Variants in ESRRG observed in about 807,000 individuals in gnomAD.
ESRRG encodes estrogen related receptor gamma.
Under a neutral mutation model 44.0 loss-of-function variants are expected in ESRRG, and 13 were observed. That is an observed-to-expected ratio of 0.30 (90% CI 0.19 to 0.47). The LOEUF (loss-of-function observed/expected upper bound fraction) is 0.47. Among genes scored for constraint, ESRRG ranks in the 20% least tolerant of loss-of-function variants. The pLI is 1.00. For missense variants in ESRRG, 395 were observed against 580.6 expected, an observed-to-expected ratio of 0.68 and a Z score of 3.29; for synonymous variants, 215 against 214.6, an observed-to-expected ratio of 1.00 and a Z score of -0.02.
chr1:216,727,239 A>C (rs189586347), upstream of ESRRG, among the ~76,000 whole-genome samples: 1 of 152,206 alleles, frequency 6.6e-6, no homozygotes, highest in South Asian at 2.1e-4. Context: ...AGGATTATAA[A>C]ATCTTTGAAA....
At chr1:217,067,836 A>AT (rs1413762593) in intron 1 of ESRRG, among the ~76,000 whole-genome samples, 1 of 152,162 alleles carries the variant, frequency 6.6e-6, no homozygotes, top group African/African-American at 2.4e-5. Flanking sequence ...ATAAAGTCTC[A>AT]TTTCAAAGGG....
chr1:217,030,797 A>G (rs1289352159), intron 1 of ESRRG, among the ~76,000 whole-genome samples: 3 of 152,250 alleles, frequency 2.0e-5, no homozygotes, highest in Non-Finnish European at 4.4e-5. Context: ...GATTTCAGAG[A>G]GTACCTCCAA....
At chr1:217,121,427 T>C (rs1259592595) in intron 1 of ESRRG, among the ~76,000 whole-genome samples, 2 of 152,182 alleles carry the variant, frequency 1.3e-5, no homozygotes, top group African/African-American at 2.4e-5. Flanking sequence ...ATCACTCTCC[T>C]GGTAGTGTGA....
chr1:216,983,444 C>T (rs2074324290), intron 1 of ESRRG, among the ~76,000 whole-genome samples: 1 of 151,866 alleles, frequency 6.6e-6, no homozygotes, highest in African/African-American at 2.4e-5. Context: ...GTTGCCCAGA[C>T]TGGTCTCAAA....
chr1:216,620,412 C>A (rs1231833301), intron 3 of ESRRG, among the ~76,000 whole-genome samples: 2 of 152,132 alleles, frequency 1.3e-5, no homozygotes, highest in Non-Finnish European at 2.9e-5. Context: ...GTTACACTGC[C>A]CTCAGAGAAT....
intron 2 of ESRRG, among the ~76,000 whole-genome samples, chr1:216,675,652 G>T (rs1428447716): frequency 6.6e-6 from 1 of 152,176 alleles, no homozygotes; most frequent in East Asian, 1.9e-4. Flanking sequence ...GGATTACCCA[G>T]AGGGTTGGTA....
chr1:216,820,702 T>C (rs1334097793), intron 2 of ESRRG, among the ~76,000 whole-genome samples: 2 of 152,230 alleles, frequency 1.3e-5, no homozygotes, highest in African/African-American at 4.8e-5. Flanking sequence ...AACAATACAT[T>C]GCTTTGCAAT....
chr1:216,718,854 A>C (rs946321779), intron 1 of ESRRG, among the ~76,000 whole-genome samples: 3 of 152,020 alleles, frequency 2.0e-5, no homozygotes, highest in Non-Finnish European at 2.9e-5. Flanking sequence ...ATGACTCTAA[A>C]GTTCTACTGA....
chr1:217,100,098 T>C (rs2092487060), intron 1 of ESRRG, among the ~76,000 whole-genome samples: 1 of 152,188 alleles, frequency 6.6e-6, no homozygotes, highest in African/African-American at 2.4e-5. Context: ...AAATAGTCAC[T>C]TGGGGAAGCT....
At chr1:217,133,645 C>CTCTCTCTCTCTCTCTTTCTT (rs1266397788) in intron 1 of ESRRG, among the ~76,000 whole-genome samples, 32 of 91,806 alleles carry the variant, frequency 3.5e-4, no homozygotes, top group Non-Finnish European at 3.8e-4. Context: ...CTCTCTCTCT[C>CTCTCTCTCTCTCTCTTTCTT]TCTTTCTTTC....
chr1:217,039,270 C>G lies in ESRRG; in HGVS notation c.-106+50237G>C, dbSNP rs539632122. Among the ~76,000 whole-genome samples the G allele has an allele frequency of 2.6e-5, 4 of 152,322 alleles. No individual in the cohort carries two copies. The South Asian group carries it at 8.3e-4, about 32-fold the overall frequency. On this transcript the variant is annotated intron_variant, in intron 1 of 7. Coordinates refer to the ESRRG transcript ENST00000359162. ...TTACCCAGTTCCAAAGTCTCTTCCA[C>G]ATTTTCAGGTATATTTTCAGCAACA...
rs982485900 is a variant in ESRRG at position 216,766,446 on chromosome 1, C to A, written c.-13-88955G>T. On this transcript the variant is annotated intron_variant, in intron 2 of 7. Transcript: ENST00000359162. ...ACTCCTGCCATCTTTCCCTCTCATT[C>A]TCACAGCCCCAGTCCAAATTTGGGG... Among the ~76,000 whole-genome samples, 3 of 152,042 alleles carry A rather than the reference C, an allele frequency of 2.0e-5. No individual in the cohort carries two copies. The East Asian group carries it at 5.8e-4, about 29-fold the overall frequency.
chr1:216,597,319 G>A (rs2058580113), intron 3 of ESRRG, among the ~76,000 whole-genome samples: 2 of 152,190 alleles, frequency 1.3e-5, no homozygotes, highest in South Asian at 4.1e-4. Context: ...TAAAAGCATG[G>A]GCTAGACCCT....
At chr1:217,038,040 G>A (rs560116656) in intron 1 of ESRRG, among the ~76,000 whole-genome samples, 27 of 152,300 alleles carry the variant, frequency 1.8e-4, no homozygotes, top group Non-Finnish European at 2.9e-4. Context: ...CTCCCTCCAG[G>A]CTGCTTTCAC....
At chr1:216,687,026 C>CGT (rs143144178) in intron 1 of ESRRG, among the ~76,000 whole-genome samples, 90,028 of 149,078 alleles carry the variant, frequency 0.6, 27,077 homozygotes, top group Admixed American at 0.67. Flanking sequence ...TGGCAGGGCC[C>CGT]GTGTGTGTGT....
chr1:216,585,669 C>A lies in ESRRG; in HGVS notation c.590-17571G>T, dbSNP rs529854328. ...TTATGACATATTCTATTGAATAAGG[C>A]AACATAAACAGAAAAATAGGCCCAA... is the stretch of plus-strand genomic sequence containing the variant. On this transcript the variant is annotated intron_variant, in intron 3 of 6. Coordinates refer to ENST00000408911, the MANE Select transcript of ESRRG (RefSeq NM_001438.4). Among the ~76,000 whole-genome samples, 10 of 152,154 alleles carry A rather than the reference C, an allele frequency of 6.6e-5. No individual in the cohort carries two copies. In the South Asian group the frequency reaches 1.0e-3, roughly 16 times the overall value.
At chr1:216,762,567 AGTGGGG>A (rs2092844769) in intron 2 of ESRRG, among the ~76,000 whole-genome samples, 1 of 82,292 alleles carries the variant, frequency 1.2e-5, no homozygotes, top group African/African-American at 4.7e-5. Flanking sequence ...GGGTGGGGGG[AGTGGGG>A]AGGGATAGCA....
intron 2 of ESRRG, among the ~76,000 whole-genome samples, chr1:216,789,191 T>G (rs1311864048): frequency 2.0e-5 from 3 of 152,254 alleles, no homozygotes; most frequent in Admixed American, 2.0e-4. Flanking sequence ...AAGCATTGCA[T>G]GCAACAGAGA....
chr1:216,912,514 G>A (rs1287995290), intron 2 of ESRRG, among the ~76,000 whole-genome samples: 1 of 151,840 alleles, frequency 6.6e-6, no homozygotes, highest in East Asian at 1.9e-4. Context: ...AATATTTGGG[G>A]GATACACATA....
Sources: allele counts gnomAD v4.1 joint callset (sites outside exome capture counted in the v4.1 genomes callset), GRCh38; gene constraint gnomAD v4.1.1; transcripts MANE v1.5; gene names NCBI Gene and HGNC (gene_info 2026-07-23, HGNC 2026-07-21).